The following HEATR1 variants were observed in gnomAD, a reference collection of about 807,000 sequenced individuals.
HEATR1 encodes the protein HEAT repeat-containing protein 1.
In HEATR1, 77 loss-of-function variants were observed where a neutral mutation model predicts 248.2. The ratio of observed to expected loss-of-function variants is 0.31; its 90% CI spans 0.26 to 0.37. The LOEUF is 0.37. HEATR1 is among the 10% of genes least tolerant of loss of function. HEATR1 has a pLI of 1.00. For synonymous variants in HEATR1, 897 were observed against 923.1 expected, an observed-to-expected ratio of 0.97 and a Z score of 0.51; for missense variants, 2,420 against 2,504.9, an observed-to-expected ratio of 0.97 and a Z score of 0.72.
chr1:236,574,640 T>G (rs199812202), intron 23 of HEATR1, 21 bp downstream of exon 23: 15 of 1,605,118 alleles, frequency 9.3e-6, no homozygotes, highest in Non-Finnish European at 1.1e-5. Context: ...TATGCCTTAG[T>G]TTCTGAAAGA....
At chr1:236,563,518 C>T (rs140752055) in intron 32 of HEATR1, among the ~76,000 whole-genome samples, 3,190 of 152,144 alleles carry the variant, frequency 0.021, 113 homozygotes, top group African/African-American at 0.073. Flanking sequence ...ATGATCCGCC[C>T]GCCTCGGCCT....
intron 3 of HEATR1, 41 bp downstream of exon 3, chr1:236,603,119 A>G (rs750779295): frequency 6.7e-7 from 1 of 1,486,800 alleles, no homozygotes; most frequent in African/African-American, 1.4e-5. Flanking sequence ...ACAAGACCAA[A>G]GTGATTAACC....
At chr1:236,598,100 C>A (rs2102798322) in intron 4 of HEATR1, 121 bp from the exon 5 acceptor site, 1 of 565,918 alleles carries the variant, frequency 1.8e-6, no homozygotes, top group Non-Finnish European at 3.1e-6. Flanking sequence ...TATAATCTCT[C>A]CTTATAACTG....
At chr1:236,582,707 A>G (rs1280662337) in intron 19 of HEATR1, 29 bp downstream of exon 19, 3 of 1,612,454 alleles carry the variant, frequency 1.9e-6, no homozygotes, top group Non-Finnish European at 2.5e-6. Flanking sequence ...TTAAGGGTAG[A>G]GTACGCCTGA....
In HEATR1 at chr1:236,565,866, G is replaced by A; in HGVS notation, c.4435+53C>T. On this transcript the variant is annotated intron_variant, in intron 31 of 44. Transcript: ENST00000366582. ...CTAAGGATAACCTGCATTCTCTTCTGTTTCTCTTTAGCTTTCAGATTGAAC... is the reference window on the plus strand; with the variant it reads ...CTAAGGATAACCTGCATTCTCTTCTATTTCTCTTTAGCTTTCAGATTGAAC... The A allele has an allele frequency of 2.6e-6, 4 of 1,553,998 alleles. No homozygotes were observed. The South Asian group carries it at 4.8e-5, about 19-fold the overall frequency.
In HEATR1 at chr1:236,576,658, G is replaced by A. The variant is rs74145930; in HGVS notation, c.2925+122C>T. On this transcript the variant is annotated intron_variant, in intron 21 of 44. Coordinates refer to ENST00000366582, the MANE Select transcript of HEATR1 (RefSeq NM_018072.6). ...CAGATGTACAGATATTGACCTATCAGTTCCTAAATCCAATGACTTAGTCCA... is the reference window on the plus strand; with the variant it reads ...CAGATGTACAGATATTGACCTATCAATTCCTAAATCCAATGACTTAGTCCA... 7.9e-6 allele frequency: 7 copies of A among 882,066 alleles called. No homozygotes were observed. The African/African-American group carries it at 1.0e-4, about 13-fold the overall frequency. The allele number at this position is 882,066 out of a possible 1,614,324, so 54.6% of individuals were successfully genotyped here. A position where few individuals can be genotyped will look rare whatever the true frequency, so the allele number is the denominator to read the frequency against.
At chr1:236,602,635 C>T (rs1664356999) in intron 3 of HEATR1, among the ~76,000 whole-genome samples, 1 of 152,114 alleles carries the variant, frequency 6.6e-6, no homozygotes. Flanking sequence ...TCAGAACTAA[C>T]GAGGTTAGGC....
intron 19 of HEATR1, among the ~76,000 whole-genome samples, 179 bp from the exon 20 acceptor site, chr1:236,581,593 T>C (rs1249213478): frequency 6.6e-6 from 1 of 152,214 alleles, no homozygotes; most frequent in Non-Finnish European, 1.5e-5. Context: ...AAGATGTCAA[T>C]GAAGAGTGAT....
chr1:236,559,886 G>C (rs1476413776), intron 33 of HEATR1, 49 bp from the exon 34 acceptor site: 2 of 1,544,590 alleles, frequency 1.3e-6, no homozygotes, highest in East Asian at 2.3e-5. Context: ...GGCACTCAGA[G>C]AACTTGTTCA....
chr1:236,577,996 G>A (rs888360583), intron 20 of HEATR1, among the ~76,000 whole-genome samples: 2 of 152,170 alleles, frequency 1.3e-5, no homozygotes, highest in South Asian at 2.1e-4. Context: ...CCAGACTGGT[G>A]TGTTTTGATT....
chr1:236,602,799 C>T (rs1664360631), intron 3 of HEATR1: 1 of 192,196 alleles, frequency 5.2e-6, no homozygotes, highest in East Asian at 1.3e-4. Context: ...TGGCAGGTGC[C>T]TGTAATCCCA....
chr1:236,563,129 A>G (rs1297538351), intron 32 of HEATR1, among the ~76,000 whole-genome samples: 2 of 152,200 alleles, frequency 1.3e-5, no homozygotes, highest in Admixed American at 1.3e-4. Context: ...ACAATGACAG[A>G]GGAGATTCTT....
Position 236,557,338 on chromosome 1 carries a change from G to A in HEATR1, c.5212C>T (p.Pro1738Ser). The A allele has an allele frequency of 6.2e-7, 1 of 1,614,016 alleles. No individual in the cohort carries two copies. Among genetic ancestry groups the A allele is most frequent in the Non-Finnish European group, 8.5e-7 (1 of 1,179,938 alleles). The part of the protein sequence containing the change: ...LAIPQLPSLM[P>S]SLLTTMKNTS... Reference sequence around the variant, plus strand: ...TTCTTCATTGTTGTCAGCAACGATGGCATCAGGCTAGAAACAAAGTAAGAG... The same window carrying A: ...TTCTTCATTGTTGTCAGCAACGATGACATCAGGCTAGAAACAAAGTAAGAG... The change falls in exon 37 of 45, where the codon CCA (proline) becomes TCA (serine). Residue 1738 changes from proline to serine, a missense_variant. Coordinates refer to ENST00000366582, the MANE Select transcript of HEATR1 (RefSeq NM_018072.6).
intron 12 of HEATR1, 29 bp from the exon 13 acceptor site, chr1:236,588,072 A>G: frequency 6.5e-7 from 1 of 1,549,222 alleles, no homozygotes. Flanking sequence ...ACATTAATTT[A>G]GCTGTTGCCA....
chr1:236,569,697 T>C (rs1663370384), intron 28 of HEATR1, among the ~76,000 whole-genome samples: 1 of 152,102 alleles, frequency 6.6e-6, no homozygotes, highest in Non-Finnish European at 1.5e-5. Flanking sequence ...AGCAAAATGG[T>C]GTGGCCACTA....
intron 22 of HEATR1, among the ~76,000 whole-genome samples, chr1:236,575,477 C>T (rs1663541395): frequency 6.6e-6 from 1 of 152,106 alleles, no homozygotes; most frequent in Non-Finnish European, 1.5e-5. Context: ...GACTGTGTGG[C>T]CCCAAAAGCA....
At chr1:236,597,827 A>G in intron 5 of HEATR1, 51 bp downstream of exon 5, 1 of 1,191,830 alleles carries the variant, frequency 8.4e-7, no homozygotes, top group East Asian at 2.4e-5. Context: ...TCTTCATTCA[A>G]AGCAAGCAAT....
chr1:236,604,208 G>T (rs1664411769), intron 1 of HEATR1, 81 bp from the exon 2 acceptor site: 3 of 1,149,158 alleles, frequency 2.6e-6, no homozygotes, highest in Non-Finnish European at 3.6e-6. Flanking sequence ...TCTGCACTCA[G>T]CACCGTCATG....
intron 32 of HEATR1, 48 bp downstream of exon 32, chr1:236,564,450 G>A: frequency 1.3e-6 from 2 of 1,549,258 alleles, no homozygotes; most frequent in Non-Finnish European, 1.8e-6. Context: ...ACAGTTCCTT[G>A]GAGACAGCAG....
Sources: allele counts gnomAD v4.1 joint callset (sites outside exome capture counted in the v4.1 genomes callset), GRCh38; gene constraint gnomAD v4.1.1; transcripts MANE v1.5; gene names NCBI Gene and HGNC (gene_info 2026-07-23, HGNC 2026-07-21).